The following HR variants were observed in gnomAD, a reference collection of about 807,000 sequenced individuals.
HR encodes the protein HR lysine demethylase and nuclear receptor corepressor.
A neutral mutation model predicts 128.6 loss-of-function variants in HR; 83 were observed. That is an observed-to-expected ratio of 0.65 (90% confidence interval 0.54 to 0.77). HR has a LOEUF of 0.77. Ranked by LOEUF, HR falls within the 30% of genes least tolerant of loss-of-function variation. The probability of loss-of-function intolerance (pLI) is 0.00; values close to 1 mark genes in which losing one functional copy is unlikely to be tolerated. For missense variants in HR, 1,490 were observed against 1,574.6 expected (o/e 0.95, Z 0.91); for synonymous variants, 681 against 658.2 (o/e 1.03, Z -0.53).
In HR at chr8:22,123,824, C is replaced by T. The variant is rs776710293; in HGVS notation, c.1751-11G>A. ...CGGCTGGCCCTTGGCCTGCTGACCA[C>T]GGAGAGAACAGGGTCAGAGGGTGAA... On this transcript the variant is annotated splice_polypyrimidine_tract_variant and intron_variant, in intron 5 of 18. Transcript: ENST00000381418. 7 of 1,593,498 alleles carry T rather than the reference C, an allele frequency of 4.4e-6. No individual in the cohort carries two copies. Among genetic ancestry groups the T allele is most frequent in the East Asian group, 2.3e-5 (1 of 44,288 alleles).
At position 22,119,190 on chromosome 8, in the gene HR, A is replaced by C; in HGVS notation, c.3071T>G (p.Leu1024Arg). The C allele has an allele frequency of 6.2e-7, 1 of 1,613,902 alleles. No individual in the cohort carries two copies. The highest frequency in any genetic ancestry group is 8.5e-7 in the Non-Finnish European group (1 of 1,180,028). Residue 1024 changes from leucine to arginine, a missense_variant, in exon 15 of 19, where the codon CTG (leucine) becomes CGG (arginine). Physicochemically the swap from Leu to Arg is moderately radical, Grantham distance 102. This residue lies in a region of HR where 423 missense variants were observed against 495.9 expected (regional missense o/e 0.85). Coordinates refer to ENST00000381418, the MANE Select transcript of HR (RefSeq NM_005144.5). ...VSILVHADTP[L>R]PAWHRAQKDF... ...TTTCTGTGCCCGGTGCCAGGCAGGCAGTGGTGTGTCGGCATGCACCAGGAT... is the reference window on the plus strand; with the variant it reads ...TTTCTGTGCCCGGTGCCAGGCAGGCCGTGGTGTGTCGGCATGCACCAGGAT...
In HR at chr8:22,116,402, G is replaced by A; in HGVS notation, c.3405C>T (p.Ser1135=). The change falls in exon 18 of 19, where the codon AGC becomes AGT. Residue 1135 remains serine, a synonymous_variant. Transcript: ENST00000381418. This position sits in a 1 kb window ranked among gnomAD's most constrained non-coding sequence, Gnocchi z 4.2. ...HQVQGLVSTV[S]VTQHFLSPET... ...CAGGGGAGAGGAAGTGCTGAGTGACGCTGACTGTGCTCACCAGGCCCTGCA... is the reference window on the plus strand; with the variant it reads ...CAGGGGAGAGGAAGTGCTGAGTGACACTGACTGTGCTCACCAGGCCCTGCA... The A allele has an allele frequency of 9.9e-6, 16 of 1,613,754 alleles. No individual in the cohort carries two copies. The highest frequency in any genetic ancestry group is 1.3e-5 in the Non-Finnish European group (15 of 1,179,910).
chr8:22,127,955 A>G lies in HR; in HGVS notation c.613-126T>C, dbSNP rs886477267. On this transcript the variant is annotated intron_variant, in intron 2 of 18. Transcript: ENST00000381418. ...AGCCCTCACATTCTGATTAATAAAC[A>G]GCACTGCCCTAGGTCTCTGGAGTGC... The G allele has an allele frequency of 2.2e-5, 21 of 965,342 alleles. No individual in the cohort carries two copies. In the African/African-American group the frequency reaches 3.1e-4, roughly 14 times the overall value. The allele number at this position is 965,342 out of a possible 1,614,324, so 59.8% of individuals were successfully genotyped here.
chr8:22,123,864 A>G (rs539529463), intron 5 of HR, 51 bp from the exon 6 acceptor site: 77 of 1,553,296 alleles, frequency 5.0e-5, no homozygotes, highest in Admixed American at 9.3e-5. Flanking sequence ...ACAGGCCCCA[A>G]TGGAAGGCTT....
rs1162759892 is a variant in HR at position 22,120,871 on chromosome 8, G to A, written c.2455C>T (p.Arg819Ter). ...IQEKALGPGL[R>*]AGPGLRKGLG... ...CCCTTGCGCAGACCCGGGCCAGCTC[G>A]AAGCCCCGGCCCCAGGGCTTTCTCC... Residue 819 changes from arginine (R) to a stop codon, truncating the protein, a stop_gained, in exon 11 of 19, where the codon CGA becomes TGA. Transcript: ENST00000381418. LOFTEE classifies it high-confidence loss of function. 15 of 1,552,570 alleles carry A rather than the reference G, an allele frequency of 9.7e-6. No homozygotes were observed. The highest frequency in any genetic ancestry group is 1.2e-5 in the Non-Finnish European group (14 of 1,148,046).
chr8:22,122,733 A>G, intron 7 of HR, 57 bp downstream of exon 7: 1 of 1,509,976 alleles, frequency 6.6e-7, no homozygotes, highest in Non-Finnish European at 9.0e-7. Flanking sequence ...TCAGACGGGA[A>G]GCTGGTCTCC....
Position 22,125,658 on chromosome 8 carries a change from G to A in HR, c.1480C>T (p.Leu494=). 2 of 1,613,486 alleles carry A rather than the reference G, an allele frequency of 1.2e-6. No homozygotes were observed. The highest frequency in any genetic ancestry group is 1.7e-6 in the Non-Finnish European group (2 of 1,179,868). ...TGGGCACAACTTTGGCATTGAGCCA[G>A]TTTTGCAGGGAGAGCCAGGCATGGT... The part of the protein sequence containing the change: ...DIPCLALPAK[L]AQCQSCAQAA... Residue 494 remains leucine, a synonymous_variant, in exon 4 of 19, where the codon CTG becomes TTG. Transcript: ENST00000381418.
At chr8:22,120,670 C>A in intron 11 of HR, 46 bp downstream of exon 11, 1 of 1,519,990 alleles carries the variant, frequency 6.6e-7, no homozygotes, top group Non-Finnish European at 8.8e-7. Flanking sequence ...CCCCGAGGGG[C>A]AGGTGGGGTG....
At position 22,120,784 on chromosome 8, in the gene HR, G is replaced by A; in HGVS notation, c.2542C>T (p.Leu848=). 2 of 1,535,146 alleles carry A rather than the reference G, an allele frequency of 1.3e-6. No homozygotes were observed. Among genetic ancestry groups the A allele is most frequent in the Admixed American group, 2.0e-5 (1 of 49,924 alleles). The part of the protein sequence containing the change: ...RLPPPGALLW[L]QEPQPCPRRG... ...CGAGGGCAAGGCTGGGGCTCCTGCA[G>A]CCACAGCAAAGCCCCTGGGGGAGGC... The change falls in exon 11 of 19, where the codon CTG becomes TTG. Residue 848 remains leucine, a synonymous_variant. Transcript: ENST00000381418.
rs778897268 is a variant in HR, at chr8:22,120,156, C to G, written c.2794G>C (p.Glu932Gln). 6.3e-7 allele frequency: 1 copy of G among 1,593,554 alleles called. No homozygotes were observed. The highest frequency in any genetic ancestry group is 1.8e-5 in the Admixed American group (1 of 55,518). ...CGGTGCAGCAGGAGGACAGAGCCCT[C>G]GTCTGACTTTGGGCGAACTACAGGA... ...SWPELRPKSD[E>Q]GSVLLLHRAL... The change falls in exon 13 of 19, where the codon GAG (glutamate) becomes CAG (glutamine). Residue 932 changes from glutamate (E) to glutamine (Q), a missense_variant. Physicochemically the swap from Glu to Gln is conservative, Grantham distance 29. This residue lies in a region of HR where 423 missense variants were observed against 495.9 expected (regional missense o/e 0.85). Transcript: ENST00000381418.
Position 22,116,475 on chromosome 8 carries a change from C to T in HR, c.3379-47G>A. The T allele has an allele frequency of 6.3e-7, 1 of 1,596,640 alleles. No individual in the cohort carries two copies. ...AGTGAGGCTCAAGATCACACATCCT[C>T]TCCCTGTCCCCCTGGTCCCTGAGGT... On this transcript the variant is annotated intron_variant, in intron 17 of 18. Transcript: ENST00000381418. The surrounding 1 kb of genome is among the most constrained non-coding windows in gnomAD (Gnocchi z 4.2).
intron 3 of HR, 24 bp downstream of exon 3, chr8:22,127,013 T>C: frequency 6.6e-7 from 1 of 1,524,520 alleles, no homozygotes; most frequent in Non-Finnish European, 9.1e-7. Context: ...ACGCAGGGCC[T>C]GCAGCCCCTC....
intron 14 of HR, 108 bp downstream of exon 14, chr8:22,119,652 G>C: frequency 7.8e-7 from 1 of 1,277,504 alleles, no homozygotes; most frequent in Non-Finnish European, 1.1e-6. Context: ...AATGGAATCA[G>C]AGAAGCGCTT....
chr8:22,129,957 GA>G (rs937801644), intron 1 of HR, among the ~76,000 whole-genome samples: 4 of 152,206 alleles, frequency 2.6e-5, no homozygotes, highest in African/African-American at 9.6e-5. Flanking sequence ...AGGGGAGGGG[GA>G]TTAAGAAGCC....
chr8:22,120,013 G>C lies in HR; in HGVS notation c.2846+91C>G. 4.5e-6 allele frequency: 7 copies of C among 1,570,186 alleles called. No homozygotes were observed. The South Asian group carries it at 8.0e-5, about 18-fold the overall frequency. ...ATGAGAGTACCAGGGACCACGGGGT[G>C]GGGGTTGGGGGCAGAGGAGGAGGGG... On this transcript the variant is annotated intron_variant, in intron 13 of 18. Coordinates refer to ENST00000381418, the MANE Select transcript of HR (RefSeq NM_005144.5).
chr8:22,125,178 G>T, intron 5 of HR, 133 bp downstream of exon 5: 1 of 855,844 alleles, frequency 1.2e-6, no homozygotes, highest in Non-Finnish European at 1.8e-6. Context: ...CCTTCCTGAT[G>T]TCCCCACCCA....
At chr8:22,120,206 C>T (rs778736630) in intron 12 of HR, 33 bp from the exon 13 acceptor site, 5 of 1,593,668 alleles carry the variant, frequency 3.1e-6, no homozygotes, top group Non-Finnish European at 4.3e-6. Flanking sequence ...CATTGGCCTC[C>T]TCAGCCCTGA....
chr8:22,119,696 G>A, intron 14 of HR, 64 bp downstream of exon 14: 2 of 1,546,180 alleles, frequency 1.3e-6, no homozygotes, highest in Non-Finnish European at 8.7e-7. Context: ...ACGCTCGTGT[G>A]CCCCGAGATG....
chr8:22,127,577 T>C lies in HR; in HGVS notation c.865A>G (p.Thr289Ala), dbSNP rs772013382. Residue 289 changes from threonine (T) to alanine (A), a missense_variant, in exon 3 of 19, where the codon ACT becomes GCT. Coordinates refer to ENST00000381418, the MANE Select transcript of HR (RefSeq NM_005144.5). ...WPACPPGLVH[T>A]LGNVWAGPGD... The stretch of plus-strand genomic sequence containing the variant: ...GGCCCAGCCCAGACGTTGCCAAGAG[T>C]ATGAACAAGGCCTGGGGGACAAGCG... 1.2e-6 allele frequency: 2 copies of C among 1,612,264 alleles called. No homozygotes were observed. The highest frequency in any genetic ancestry group is 2.2e-5 in the South Asian group (2 of 91,056).
Sources: gnomAD v4.1 joint callset for allele counts (sites outside exome capture counted in the v4.1 genomes callset) on GRCh38, gnomAD v4.1.1 for gene constraint, gnomAD v4.1.1 regional missense constraint, Gnocchi (gnomAD v3.1) non-coding constraint, MANE v1.5 for transcripts, NCBI Gene and HGNC (gene_info 2026-07-23, HGNC 2026-07-21) for gene names.